Variants in CCDC85A observed in about 807,000 individuals in gnomAD.
CCDC85A encodes the protein coiled-coil domain-containing protein 85A.
A neutral mutation model predicts 50.2 loss-of-function variants in CCDC85A; 38 were observed. The observed-to-expected ratio is 0.76, with a 90% CI of 0.58 to 0.99. CCDC85A has a LOEUF of 0.99. CCDC85A is among the 50% of genes least tolerant of loss of function. The pLI is 0.00. For synonymous variants in CCDC85A, 366 were observed against 301.4 expected (o/e 1.21, Z -2.22); for missense variants, 820 against 742.0 (o/e 1.11, Z -1.22).
intron 2 of CCDC85A, among the ~76,000 whole-genome samples, chr2:56,292,857 A>G (rs1388757226): frequency 6.6e-6 from 1 of 152,222 alleles, no homozygotes; most frequent in Non-Finnish European, 1.5e-5. Flanking sequence ...GAAGCTGAAC[A>G]TGAGATAGTG....
intron 2 of CCDC85A, among the ~76,000 whole-genome samples, chr2:56,303,678 A>G (rs555020778): frequency 1.2e-4 from 19 of 152,326 alleles, no homozygotes; most frequent in African/African-American, 4.6e-4. Context: ...TGCTGTGTGT[A>G]TAGTGCAGAT....
At chr2:56,322,601 C>G (rs1056095680) in intron 2 of CCDC85A, among the ~76,000 whole-genome samples, 3 of 152,182 alleles carry the variant, frequency 2.0e-5, no homozygotes, top group Non-Finnish European at 2.9e-5. Flanking sequence ...GAGATACCAT[C>G]TCACACCAGT....
chr2:56,256,472 T>C (rs750918862), intron 2 of CCDC85A, among the ~76,000 whole-genome samples: 5 of 152,230 alleles, frequency 3.3e-5, no homozygotes, highest in East Asian at 3.9e-4. Flanking sequence ...AGTCTAGCTG[T>C]GAATTACCTA....
chr2:56,258,280 A>G (rs1327760263), intron 2 of CCDC85A, among the ~76,000 whole-genome samples: 2 of 152,218 alleles, frequency 1.3e-5, no homozygotes, highest in Non-Finnish European at 2.9e-5. Flanking sequence ...AAAGGAGGGT[A>G]CTGGAAAGAA....
chr2:56,307,746 C>T lies in CCDC85A; in HGVS notation c.1241-35133C>T, dbSNP rs115689473. Among the ~76,000 whole-genome samples the T allele has an allele frequency of 8.3e-3, 1,264 of 152,236 alleles. 11 individuals are homozygous for T. Among genetic ancestry groups the T allele is most frequent in the Non-Finnish European group, 0.012 (797 of 68,030 alleles). ...AAAATTGAAAACACCAGGATTAAAA[C>T]GCATGTCTCCATGGCTTTAAAATTC... is the stretch of plus-strand genomic sequence containing the variant. On this transcript the variant is annotated intron_variant, in intron 2 of 5. Transcript: ENST00000407595.
chr2:56,331,213 A>G (rs2869809), intron 2 of CCDC85A, among the ~76,000 whole-genome samples: 54,681 of 151,846 alleles, frequency 0.36, 10,344 homozygotes, highest in African/African-American at 0.48. Context: ...AATAATAAAC[A>G]TTGGAGACTG....
intron 2 of CCDC85A, among the ~76,000 whole-genome samples, chr2:56,226,826 A>T (rs986121610): frequency 6.6e-6 from 1 of 152,006 alleles, no homozygotes; most frequent in African/African-American, 2.4e-5. Context: ...TGGAAATCTG[A>T]GTTCCTAGCA....
Position 56,375,245 on chromosome 2 carries a change from T to C in CCDC85A, c.1453-571T>C, listed in dbSNP as rs187726672. Among the ~76,000 whole-genome samples the C allele has an allele frequency of 8.1e-4, 123 of 152,338 alleles. No individual in the cohort carries two copies. The East Asian group carries it at 0.014, about 17-fold the overall frequency. On this transcript the variant is annotated intron_variant, in intron 4 of 5. Transcript: ENST00000407595. ...TTGAAGAACCACTAAACTAAAAATA[T>C]GTAGTTTATATCTATTCTGTTTTTC...
chr2:56,187,301 T>C (rs557008854), intron 1 of CCDC85A, among the ~76,000 whole-genome samples: 2 of 152,358 alleles, frequency 1.3e-5, no homozygotes, highest in African/African-American at 4.8e-5. Flanking sequence ...TTTATGCCTC[T>C]TTCTATGAGC....
chr2:56,239,763 C>T (rs1669175534), intron 2 of CCDC85A, among the ~76,000 whole-genome samples: 1 of 152,108 alleles, frequency 6.6e-6, no homozygotes, highest in Non-Finnish European at 1.5e-5. Context: ...GGATATTTTC[C>T]AGATCCTTCC....
At chr2:56,202,873 T>A (rs1215922414) in intron 2 of CCDC85A, among the ~76,000 whole-genome samples, 1 of 152,144 alleles carries the variant, frequency 6.6e-6, no homozygotes, top group Non-Finnish European at 1.5e-5. Flanking sequence ...CCAAACAGAA[T>A]AATAAGACCC....
intron 2 of CCDC85A, among the ~76,000 whole-genome samples, chr2:56,340,675 A>C (rs1260769843): frequency 6.6e-6 from 1 of 152,028 alleles, no homozygotes; most frequent in Non-Finnish European, 1.5e-5. Flanking sequence ...CGGGAGTTCG[A>C]GACCAGCCTG....
At chr2:56,372,209 C>A in intron 3 of CCDC85A, 135 bp from the exon 4 acceptor site, 1 of 764,982 alleles carries the variant, frequency 1.3e-6, no homozygotes, top group Non-Finnish European at 1.9e-6. Flanking sequence ...TTTTCCCTAG[C>A]TACAGGTGCA....
At chr2:56,291,161 C>T (rs902999622) in intron 2 of CCDC85A, among the ~76,000 whole-genome samples, 6 of 152,084 alleles carry the variant, frequency 3.9e-5, no homozygotes, top group Admixed American at 1.3e-4. Context: ...GAGGAGTACA[C>T]GTAGAATAAT....
intron 2 of CCDC85A, among the ~76,000 whole-genome samples, chr2:56,234,306 C>T: frequency 6.6e-6 from 1 of 152,150 alleles, no homozygotes; most frequent in East Asian, 1.9e-4. Context: ...TGTCTTTTCA[C>T]TGGGCTTTTG....
chr2:56,371,842 G>T (rs1354651302), intron 3 of CCDC85A, among the ~76,000 whole-genome samples: 2 of 152,054 alleles, frequency 1.3e-5, no homozygotes, highest in Admixed American at 6.6e-5. Context: ...TCAACATGCA[G>T]AAATTTTGTT....
intron 2 of CCDC85A, among the ~76,000 whole-genome samples, chr2:56,276,343 C>A (rs989173822): frequency 6.9e-6 from 1 of 144,120 alleles, no homozygotes; most frequent in African/African-American, 2.6e-5. Flanking sequence ...CTAGAGGGGC[C>A]CAGGGTGGTT....
chr2:56,216,439 A>T (rs565420063), intron 2 of CCDC85A, among the ~76,000 whole-genome samples: 1 of 151,920 alleles, frequency 6.6e-6, no homozygotes, highest in Admixed American at 6.6e-5. Context: ...GATGGGTGTA[A>T]TCTAGTATTT....
In CCDC85A at chr2:56,193,300, GA is replaced by G; in HGVS notation, c.1101del (p.Ser369AlafsTer44). 1 of 1,613,848 alleles carries G rather than the reference GA, an allele frequency of 6.2e-7. No homozygotes were observed. Among genetic ancestry groups the G allele is most frequent in the Non-Finnish European group, 8.5e-7 (1 of 1,179,810 alleles). On this transcript the variant is annotated frameshift_variant, in exon 2 of 6. Transcript: ENST00000407595. LOFTEE classifies it high-confidence loss of function. ...TSPEHLKQHY[G>X]GSPDHKHGGG... ...CCGGAGCACCTCAAACAACATTATGGAGGGAGCCCTGATCACAAACACGGAG... is the reference window on the plus strand; with the variant it reads ...CCGGAGCACCTCAAACAACATTATGGGGGAGCCCTGATCACAAACACGGAG...
Sources: gnomAD v4.1 joint callset for allele counts (sites outside exome capture counted in the v4.1 genomes callset) on GRCh38, gnomAD v4.1.1 for gene constraint, MANE v1.5 for transcripts, NCBI Gene and HGNC (gene_info 2026-07-23, HGNC 2026-07-21) for gene names.